Variants in IHO1 observed in about 807,000 individuals in gnomAD.
IHO1 encodes the protein interactor of HORMAD1 protein 1.
IHO1 carries 13 observed loss-of-function variants against 31.0 expected under a neutral mutation model. That is an observed-to-expected ratio of 0.42 (90% CI 0.27 to 0.67). The LOEUF is 0.67. Among genes scored for constraint, IHO1 ranks in the 30% least tolerant of loss-of-function variants. The pLI is 0.24. For missense variants in IHO1, 599 were observed against 687.5 expected (o/e 0.87, Z 1.44); for synonymous variants, 221 against 248.4 (o/e 0.89, Z 1.04).
At chr3:49,214,725 C>A (rs28558638) in intron 2 of IHO1, among the ~76,000 whole-genome samples, 1 of 139,380 alleles carries the variant, frequency 7.2e-6, no homozygotes, top group Non-Finnish European at 1.5e-5. Context: ...CTGCAACCTT[C>A]ACCTCCTGGG....
At chr3:49,196,734 G>A (rs1172281897), upstream of IHO1, among the ~76,000 whole-genome samples, 7 of 147,706 alleles carry the variant, frequency 4.7e-5, no homozygotes, top group South Asian at 2.1e-4. Context: ...GCAGTGGTGC[G>A]ATCTCAGCTC....
chr3:49,230,874 A>T (rs2046473198), intron 2 of IHO1, among the ~76,000 whole-genome samples: 1 of 152,194 alleles, frequency 6.6e-6, no homozygotes, highest in African/African-American at 2.4e-5. Flanking sequence ...GCCATGAGTA[A>T]TCTATTTTCT....
chr3:49,236,855 G>T, intron 3 of IHO1, 133 bp downstream of exon 3: 1 of 782,792 alleles, frequency 1.3e-6, no homozygotes, highest in Non-Finnish European at 2.0e-6. Flanking sequence ...GCTGAGGCAA[G>T]TGGATCCCTT....
At chr3:49,214,253 T>C (rs556604505) in intron 2 of IHO1, among the ~76,000 whole-genome samples, 69 of 152,218 alleles carry the variant, frequency 4.5e-4, no homozygotes, top group Non-Finnish European at 9.0e-4. Context: ...TGTTCAGTTG[T>C]ACAGTGCAGT....
upstream of IHO1, among the ~76,000 whole-genome samples, chr3:49,194,716 C>A (rs917982075): frequency 7.0e-6 from 1 of 143,668 alleles, no homozygotes; most frequent in Non-Finnish European, 1.5e-5. Flanking sequence ...GGCAACATGG[C>A]GAAACCCCAT....
upstream of IHO1, among the ~76,000 whole-genome samples, chr3:49,199,260 G>A (rs2046022692): frequency 6.6e-6 from 1 of 152,222 alleles, no homozygotes; most frequent in South Asian, 2.1e-4. Flanking sequence ...CACAATCAGC[G>A]CGGTTGAGAC....
At chr3:49,233,997 T>C (rs2046515213) in intron 2 of IHO1, among the ~76,000 whole-genome samples, 1 of 152,224 alleles carries the variant, frequency 6.6e-6, no homozygotes. Context: ...GGAATACTTT[T>C]AGTTAATCTA....
chr3:49,242,255 C>T (rs1329579920), intron 4 of IHO1, among the ~76,000 whole-genome samples: 1 of 151,972 alleles, frequency 6.6e-6, no homozygotes, highest in Non-Finnish European at 1.5e-5. Flanking sequence ...CCTTAGCTTC[C>T]CAAGTAGCTT....
At chr3:49,194,374 G>C (rs1213439637), upstream of IHO1, among the ~76,000 whole-genome samples, 1 of 142,260 alleles carries the variant, frequency 7.0e-6, no homozygotes, top group Non-Finnish European at 1.5e-5. Flanking sequence ...TGTGATCTCG[G>C]CTCACTGCAA....
chr3:49,209,723 T>G (rs919118243), intron 1 of IHO1, among the ~76,000 whole-genome samples: 2 of 146,918 alleles, frequency 1.4e-5, no homozygotes, highest in African/African-American at 4.9e-5. Flanking sequence ...TGACATGTCT[T>G]TTTTTTTTTG....
At position 49,200,540 on chromosome 3, in the gene IHO1, G is replaced by A. The variant is rs558946987; in HGVS notation, c.-16+967G>A. 263 of 974,754 alleles carry A rather than the reference G, an allele frequency of 2.7e-4. 1 individual carries two copies. The South Asian group carries it at 0.011, about 40-fold the overall frequency. The allele number at this position is 974,754 out of a possible 1,614,324, so 60.4% of individuals were successfully genotyped here. ...GAAAAGAAAAAAGATTGTCGCAGTA[G>A]AGTTGACGACGGTGGTCAGATGAGG... On this transcript the variant is annotated intron_variant, in intron 1 of 7. Coordinates refer to ENST00000452691, the MANE Select transcript of IHO1 (RefSeq NM_001135197.2).
intron 2 of IHO1, among the ~76,000 whole-genome samples, chr3:49,224,553 CT>C (rs1165237924): frequency 6.6e-6 from 1 of 152,170 alleles, no homozygotes; most frequent in Non-Finnish European, 1.5e-5. Context: ...TATTCTTTTT[CT>C]TTTTCCCAGT....
At chr3:49,218,090 C>T (rs531495851) in intron 2 of IHO1, among the ~76,000 whole-genome samples, 1 of 152,294 alleles carries the variant, frequency 6.6e-6, no homozygotes, top group African/African-American at 2.4e-5. Context: ...CTTACTCTCA[C>T]ACTCTCCGCC....
Position 49,211,706 on chromosome 3 carries a change from T to C in IHO1, c.-15-60T>C, listed in dbSNP as rs374683595. The C allele has an allele frequency of 6.7e-5, 51 of 764,702 alleles. No individual in the cohort carries two copies. In the East Asian group the frequency reaches 9.5e-4, roughly 14 times the overall value. The allele number at this position is 764,702 out of a possible 1,614,324, so 47.4% of individuals were successfully genotyped here. A position where few individuals can be genotyped will look rare whatever the true frequency, so the allele number is the denominator to read the frequency against. Reference sequence around the variant, plus strand: ...TTCGTGTACATATAATAGTCACTAGTAATCTTTGGAAAAAATTATACTGTT... The same window carrying C: ...TTCGTGTACATATAATAGTCACTAGCAATCTTTGGAAAAAATTATACTGTT... On this transcript the variant is annotated intron_variant, in intron 1 of 7. Transcript: ENST00000452691.
At chr3:49,193,655 CAAAAAA>C (rs71077770), upstream of IHO1, among the ~76,000 whole-genome samples, 6 of 25,016 alleles carry the variant, frequency 2.4e-4, no homozygotes, top group African/African-American at 3.9e-4. Context: ...GAGACTCTAC[CAAAAAA>C]AAAAAAAAAA....
intron 2 of IHO1, among the ~76,000 whole-genome samples, chr3:49,225,843 G>A (rs765775185): frequency 6.6e-6 from 1 of 152,190 alleles, no homozygotes; most frequent in Non-Finnish European, 1.5e-5. Context: ...TCAGGAGGAA[G>A]TCAATTTCCT....
At chr3:49,227,866 G>C (rs1238981472) in intron 2 of IHO1, among the ~76,000 whole-genome samples, 2 of 152,154 alleles carry the variant, frequency 1.3e-5, no homozygotes, top group African/African-American at 4.8e-5. Context: ...AATAGCTTTT[G>C]TTAGGCCTGC....
intron 2 of IHO1, among the ~76,000 whole-genome samples, chr3:49,220,572 A>G (rs2046341964): frequency 6.6e-6 from 1 of 152,152 alleles, no homozygotes; most frequent in Non-Finnish European, 1.5e-5. Flanking sequence ...CAGCTCTTAA[A>G]GGTGGTGCAG....
chr3:49,256,995 C>T lies in IHO1; in HGVS notation c.1498C>T (p.Leu500=). ...LGQQEPRAQP[L]HLQCPRSPRK... ...GCAGCAGGAACCCCGTGCTCAGCCT[C>T]TGCATCTGCAGTGTCCCAGGAGCCC... The change falls in exon 8 of 8, where the codon CTG becomes TTG. Residue 500 remains leucine, a synonymous_variant. Coordinates refer to ENST00000452691, the MANE Select transcript of IHO1 (RefSeq NM_001135197.2). This position sits in a 1 kb window ranked among gnomAD's most constrained non-coding sequence, Gnocchi z 4.6. The T allele has an allele frequency of 6.2e-7, 1 of 1,614,232 alleles. No individual in the cohort carries two copies. The highest frequency in any genetic ancestry group is 8.5e-7 in the Non-Finnish European group (1 of 1,180,032).
Sources: gnomAD v4.1 joint callset for allele counts (sites outside exome capture counted in the v4.1 genomes callset) on GRCh38, gnomAD v4.1.1 for gene constraint, Gnocchi (gnomAD v3.1) non-coding constraint, MANE v1.5 for transcripts, NCBI Gene and HGNC (gene_info 2026-07-23, HGNC 2026-07-21) for gene names.